The following SCN2A variants were observed in gnomAD, a reference collection of about 807,000 sequenced individuals.
The protein encoded by SCN2A is sodium voltage-gated channel alpha subunit 2.
Under a neutral mutation model 188.7 loss-of-function variants are expected in SCN2A, and 20 were observed. The ratio of observed to expected loss-of-function variants is 0.11; its 90% CI spans 0.07 to 0.15. SCN2A has a LOEUF of 0.15. Ranked by LOEUF, SCN2A falls within the 10% of genes least tolerant of loss-of-function variation. SCN2A has a pLI of 1.00. For missense variants in SCN2A, 1,278 were observed against 2,445.0 expected, an observed-to-expected ratio of 0.52 and a Z score of 10.07; for synonymous variants, 804 against 833.1, an observed-to-expected ratio of 0.97 and a Z score of 0.60.
intron 17 of SCN2A, among the ~76,000 whole-genome samples, chr2:165,358,947 A>G (rs1044101087): frequency 5.9e-5 from 9 of 152,094 alleles, no homozygotes; most frequent in Admixed American, 5.2e-4. Context: ...ATTTAACCAA[A>G]ATGCCTAAAC....
In SCN2A at chr2:165,323,382, G is replaced by A. The variant is rs767362827; in HGVS notation, c.1898G>A (p.Arg633Lys). 6.2e-7 allele frequency: 1 copy of A among 1,614,060 alleles called. No homozygotes were observed. The highest frequency in any genetic ancestry group is 1.3e-5 in the African/African-American group (1 of 74,940). Reference protein sequence around the residue: ...SNVSQASRASRVLPILPMNGK... With the variant: ...SNVSQASRASKVLPILPMNGK... ...GTCAGCCAGGCCAGCCGTGCCTCCAGGGTGCTCCCCATCCTGCCCATGAAT... is the reference window on the plus strand; with the variant it reads ...GTCAGCCAGGCCAGCCGTGCCTCCAAGGTGCTCCCCATCCTGCCCATGAAT... The change falls in exon 12 of 27, where the codon AGG (arginine) becomes AAG (lysine). Residue 633 changes from arginine to lysine, a missense_variant. By Grantham distance (26) the Arg-to-Lys change is conservative (BLOSUM62 2). Transcript: ENST00000375437.
At chr2:165,330,167 A>G (rs570801623) in intron 13 of SCN2A, among the ~76,000 whole-genome samples, 4 of 152,320 alleles carry the variant, frequency 2.6e-5, no homozygotes, top group African/African-American at 9.6e-5. Context: ...CCACAATAGT[A>G]TTAAAGTGAC....
chr2:165,284,496 C>T (rs546081727), intron 1 of SCN2A, among the ~76,000 whole-genome samples: 1 of 152,262 alleles, frequency 6.6e-6, no homozygotes, highest in South Asian at 2.1e-4. Context: ...CAAAGACCTT[C>T]TGATCCTGGC....
intron 3 of SCN2A, among the ~76,000 whole-genome samples, chr2:165,297,811 C>T (rs1178903947): frequency 6.6e-6 from 1 of 152,148 alleles, no homozygotes; most frequent in Non-Finnish European, 1.5e-5. Context: ...TAATGTCTAT[C>T]TATCCATATA....
intron 16 of SCN2A, among the ~76,000 whole-genome samples, chr2:165,350,695 A>G (rs1236138730): frequency 5.5e-5 from 2 of 36,542 alleles, no homozygotes; most frequent in African/African-American, 1.1e-4. Flanking sequence ...GATGGTCTCG[A>G]TCTCCTGACC....
At chr2:165,345,011 C>A in intron 16 of SCN2A, 100 bp downstream of exon 16, 1 of 1,434,860 alleles carries the variant, frequency 7.0e-7, no homozygotes. Context: ...TAAATCAAGG[C>A]CACTTCCTAT....
At chr2:165,253,587 C>A (rs1694189973) in intron 1 of SCN2A, among the ~76,000 whole-genome samples, 1 of 152,038 alleles carries the variant, frequency 6.6e-6, no homozygotes, top group Non-Finnish European at 1.5e-5. Flanking sequence ...TTTCTTCCTA[C>A]AAGGTGAGAA....
chr2:165,384,877 T>G (rs1461595189), intron 25 of SCN2A, among the ~76,000 whole-genome samples: 1 of 152,078 alleles, frequency 6.6e-6, no homozygotes, highest in African/African-American at 2.4e-5. Flanking sequence ...AGAACCTGCC[T>G]AAGCTTCTAA....
intron 10 of SCN2A, among the ~76,000 whole-genome samples, chr2:165,314,954 T>C (rs1209812265): frequency 1.3e-5 from 2 of 152,170 alleles, no homozygotes; most frequent in African/African-American, 4.8e-5. Context: ...ACACTCTGTA[T>C]TATGTCTTTG....
chr2:165,250,247 C>T (rs1028298283), intron 1 of SCN2A, among the ~76,000 whole-genome samples: 2 of 152,024 alleles, frequency 1.3e-5, no homozygotes, highest in Non-Finnish European at 2.9e-5. Flanking sequence ...AAACTTCAAT[C>T]AAGGTACTAT....
chr2:165,276,046 T>C (rs932248533), intron 1 of SCN2A, among the ~76,000 whole-genome samples: 44 of 152,192 alleles, frequency 2.9e-4, no homozygotes, highest in African/African-American at 1.0e-3. Context: ...TTATACTCTT[T>C]AATCCTCACA....
chr2:165,258,722 A>C (rs1694439758), intron 1 of SCN2A, among the ~76,000 whole-genome samples: 1 of 152,194 alleles, frequency 6.6e-6, no homozygotes, highest in Non-Finnish European at 1.5e-5. Flanking sequence ...AGAAGATGTG[A>C]TACATATATA....
intron 3 of SCN2A, among the ~76,000 whole-genome samples, chr2:165,307,483 T>C (rs564622280): frequency 4.6e-5 from 7 of 152,256 alleles, no homozygotes; most frequent in African/African-American, 1.7e-4. Context: ...AATTGTCTTG[T>C]TGAATTTTTG....
chr2:165,329,374 T>C (rs1206437587), intron 13 of SCN2A, among the ~76,000 whole-genome samples: 1 of 152,146 alleles, frequency 6.6e-6, no homozygotes, highest in Admixed American at 6.5e-5. Flanking sequence ...AAGACACAGA[T>C]TTACTGTAAG....
At chr2:165,320,919 T>C (rs1052084405) in intron 11 of SCN2A, among the ~76,000 whole-genome samples, 3 of 152,226 alleles carry the variant, frequency 2.0e-5, no homozygotes, top group African/African-American at 7.2e-5. Flanking sequence ...AGCTCCTCAT[T>C]ACTTATGCAA....
At chr2:165,335,599 A>C (rs1471355605) in intron 14 of SCN2A, among the ~76,000 whole-genome samples, 1 of 151,822 alleles carries the variant, frequency 6.6e-6, no homozygotes, top group Non-Finnish European at 1.5e-5. Context: ...TATAAAAATT[A>C]AGATAGGTCA....
chr2:165,260,436 A>G (rs1694535790), intron 1 of SCN2A, among the ~76,000 whole-genome samples: 1 of 152,204 alleles, frequency 6.6e-6, no homozygotes, highest in Non-Finnish European at 1.5e-5. Context: ...AGCTTAAAAT[A>G]TTCAGTAAAC....
At chr2:165,297,900 A>G (rs1181744972) in intron 3 of SCN2A, among the ~76,000 whole-genome samples, 2 of 152,020 alleles carry the variant, frequency 1.3e-5, no homozygotes, top group Non-Finnish European at 2.9e-5. Flanking sequence ...TTGGTGGGAG[A>G]TGGCAATTTG....
chr2:165,289,217 C>T (rs898783589), intron 1 of SCN2A, among the ~76,000 whole-genome samples: 3 of 151,886 alleles, frequency 2.0e-5, no homozygotes, highest in Admixed American at 6.6e-5. Context: ...ATGTTTATTA[C>T]TACATACCCT....
Sources: allele counts gnomAD v4.1 joint callset (sites outside exome capture counted in the v4.1 genomes callset), GRCh38; gene constraint gnomAD v4.1.1; transcripts MANE v1.5; gene names NCBI Gene and HGNC (gene_info 2026-07-23, HGNC 2026-07-21).